Variants in SEM1 observed in about 807,000 individuals in gnomAD.
SEM1 encodes SEM1 26S proteasome subunit.
A neutral mutation model predicts 12.7 loss-of-function variants in SEM1; 3 were observed. The observed-to-expected ratio is 0.24, with a 90% CI of 0.11 to 0.61. The LOEUF (loss-of-function observed/expected upper bound fraction) is 0.61, where lower values mean the gene tolerates loss of function less well. Ranked by LOEUF, SEM1 falls within the 20% of genes least tolerant of loss-of-function variation. The pLI, the probability that SEM1 is intolerant of heterozygous loss-of-function variation, is 0.88. For missense variants in SEM1, 59 were observed against 81.3 expected (o/e 0.73, Z 1.06); for synonymous variants, 30 against 27.8 (o/e 1.08, Z -0.25).
At position 96,537,484 on chromosome 7, in the gene SEM1, T is replaced by C. The variant is rs563081241; in HGVS notation, c.171-30786A>G. Among the ~76,000 whole-genome samples, 3 of 151,868 alleles carry C rather than the reference T, an allele frequency of 2.0e-5. No individual in the cohort carries two copies. The East Asian group carries it at 5.8e-4, about 29-fold the overall frequency. On this transcript the variant is annotated intron_variant and NMD_transcript_variant, in intron 2 of 3. Coordinates refer to the SEM1 transcript ENST00000466986. ...CTCAGTTTTTGCTTACCTGAGAAAGTATTTCTCCCTCACTTTTAAAAGATA... is the reference window on the plus strand; with the variant it reads ...CTCAGTTTTTGCTTACCTGAGAAAGCATTTCTCCCTCACTTTTAAAAGATA...
chr7:96,641,592 T>C (rs1808610949), intron 2 of SEM1, among the ~76,000 whole-genome samples: 2 of 152,074 alleles, frequency 1.3e-5, no homozygotes, highest in African/African-American at 2.4e-5. Flanking sequence ...ACACATTGTA[T>C]AGTTTTCTTC....
intron 2 of SEM1, among the ~76,000 whole-genome samples, chr7:96,557,509 C>T (rs539149067): frequency 2.5e-4 from 23 of 92,134 alleles, no homozygotes; most frequent in Non-Finnish European, 2.7e-4. Flanking sequence ...GCTCGGGGGT[C>T]AGGGGTCAGG....
chr7:96,678,495 C>T (rs551763940), intron 2 of SEM1, among the ~76,000 whole-genome samples: 1 of 152,244 alleles, frequency 6.6e-6, no homozygotes, highest in Admixed American at 6.5e-5. Context: ...TAATGTAGAA[C>T]ATCTAGATCA....
chr7:96,534,958 G>A (rs1413567941), intron 2 of SEM1, among the ~76,000 whole-genome samples: 1 of 151,776 alleles, frequency 6.6e-6, no homozygotes, highest in Non-Finnish European at 1.5e-5. Flanking sequence ...CCATATAAAT[G>A]AGAGTTCTTT....
At chr7:96,595,095 A>G (rs1222238134) in intron 2 of SEM1, among the ~76,000 whole-genome samples, 1 of 152,200 alleles carries the variant, frequency 6.6e-6, no homozygotes, top group African/African-American at 2.4e-5. Flanking sequence ...GAATTCTAAA[A>G]ATTTTTAGAA....
chr7:96,588,063 A>G (rs1317942881), intron 2 of SEM1, among the ~76,000 whole-genome samples: 1 of 152,158 alleles, frequency 6.6e-6, no homozygotes, highest in Non-Finnish European at 1.5e-5. Flanking sequence ...CTTACACCTC[A>G]TCAAGCCAAC....
chr7:96,634,275 T>A (rs540505024), intron 2 of SEM1, among the ~76,000 whole-genome samples: 2 of 152,246 alleles, frequency 1.3e-5, no homozygotes, highest in African/African-American at 4.8e-5. Context: ...AATATTAAAA[T>A]GTATGTGATA....
At chr7:96,615,205 C>T (rs1807670769) in intron 2 of SEM1, among the ~76,000 whole-genome samples, 2 of 141,038 alleles carry the variant, frequency 1.4e-5, no homozygotes, top group Admixed American at 1.5e-4. Flanking sequence ...TCATCCTCTT[C>T]TGTGGACTGG....
intron 2 of SEM1, among the ~76,000 whole-genome samples, chr7:96,633,642 T>C (rs1341297544): frequency 6.6e-6 from 1 of 152,136 alleles, no homozygotes; most frequent in Non-Finnish European, 1.5e-5. Context: ...GGAGAGAAAG[T>C]TATGTCATTC....
chr7:96,647,183 GGTATA>G (rs1170321797), intron 2 of SEM1, among the ~76,000 whole-genome samples: 1 of 152,122 alleles, frequency 6.6e-6, no homozygotes, highest in African/African-American at 2.4e-5. Context: ...AGGGAGGTGA[GGTATA>G]GCACTGCATG....
intron 2 of SEM1, among the ~76,000 whole-genome samples, chr7:96,661,612 C>G (rs1427718462): frequency 6.6e-6 from 1 of 152,044 alleles, no homozygotes; most frequent in Non-Finnish European, 1.5e-5. Context: ...GAGAGAAAGA[C>G]CCACAAAACA....
chr7:96,581,806 T>G (rs1384527836), intron 2 of SEM1, among the ~76,000 whole-genome samples: 1 of 151,304 alleles, frequency 6.6e-6, no homozygotes, highest in Admixed American at 6.6e-5. Context: ...GCTTGTGATT[T>G]TTGTACATTG....
intron 3 of SEM1, among the ~76,000 whole-genome samples, chr7:96,503,322 T>A (rs1327990176): frequency 6.6e-6 from 1 of 152,152 alleles, no homozygotes; most frequent in Non-Finnish European, 1.5e-5. Context: ...ACTCTGTCTT[T>A]TTGAATATAA....
Position 96,626,365 on chromosome 7 carries a change from T to C in SEM1, c.171-3722A>G, listed in dbSNP as rs368688424. On this transcript the variant is annotated intron_variant, in intron 2 of 2. Coordinates refer to the SEM1 transcript ENST00000417009. ...GCAAATGACAGAATCTCATTCTTTT[T>C]ATGGCTGAATAGTAGTATTACATCG... Among the ~76,000 whole-genome samples, 33 of 152,334 alleles carry C rather than the reference T, an allele frequency of 2.2e-4. No individual in the cohort carries two copies. In the East Asian group the frequency reaches 3.9e-3, roughly 18 times the overall value.
chr7:96,530,232 A>G (rs1442002383), intron 2 of SEM1, among the ~76,000 whole-genome samples: 2 of 152,082 alleles, frequency 1.3e-5, no homozygotes, highest in African/African-American at 4.8e-5. Flanking sequence ...TGGTGGTGGC[A>G]GGGAAGCAGG....
intron 2 of SEM1, among the ~76,000 whole-genome samples, chr7:96,543,784 A>T (rs992659226): frequency 4.6e-5 from 7 of 151,984 alleles, no homozygotes; most frequent in African/African-American, 1.7e-4. Flanking sequence ...AACAGAATAT[A>T]ATCAATGAAT....
At chr7:96,612,155 C>T (rs746069526) in intron 2 of SEM1, among the ~76,000 whole-genome samples, 3 of 152,208 alleles carry the variant, frequency 2.0e-5, no homozygotes, top group Non-Finnish European at 4.4e-5. Context: ...AATACATTCT[C>T]ATAGTAGCCT....
At chr7:96,605,932 G>A (rs946841841) in intron 2 of SEM1, among the ~76,000 whole-genome samples, 3 of 152,036 alleles carry the variant, frequency 2.0e-5, no homozygotes, top group Non-Finnish European at 1.5e-5. Flanking sequence ...TTTGTCAAGG[G>A]TACCCACATT....
intron 2 of SEM1, among the ~76,000 whole-genome samples, chr7:96,690,635 A>C (rs1253829362): frequency 6.6e-6 from 1 of 152,222 alleles, no homozygotes; most frequent in Admixed American, 6.5e-5. Flanking sequence ...CGAAAACAGC[A>C]GCAGTCTTTG....
Sources: gnomAD v4.1 joint callset for allele counts (sites outside exome capture counted in the v4.1 genomes callset) on GRCh38, gnomAD v4.1.1 for gene constraint, MANE v1.5 for transcripts, NCBI Gene and HGNC (gene_info 2026-07-23, HGNC 2026-07-21) for gene names.